The following BRWD3 variants were observed in gnomAD, a reference collection of about 807,000 sequenced individuals.
BRWD3 encodes bromodomain and WD repeat-containing protein 3.
In BRWD3, 10 loss-of-function variants were observed where a neutral mutation model predicts 149.7. The observed-to-expected ratio is 0.07, with a 90% CI of 0.04 to 0.11. The LOEUF (loss-of-function observed/expected upper bound fraction) is 0.11, where lower values mean the gene tolerates loss of function less well. Ranked by LOEUF, BRWD3 falls within the 10% of genes least tolerant of loss-of-function variation. BRWD3 has a pLI of 1.00. For missense variants in BRWD3, 940 were observed against 1,373.2 expected, an observed-to-expected ratio of 0.68 and a Z score of 4.99; for synonymous variants, 504 against 456.7, an observed-to-expected ratio of 1.10 and a Z score of -1.32.
intron 6 of BRWD3, among the ~76,000 whole-genome samples, chrX:80,780,607 T>C (rs908552734): frequency 9.0e-6 from 1 of 110,970 alleles, no homozygotes; most frequent in South Asian, 3.8e-4. Context: ...AAAGATGGAG[T>C]TTATATTCCA....
chrX:80,759,095 C>T (rs2073775929), intron 6 of BRWD3, among the ~76,000 whole-genome samples: 1 of 111,733 alleles, frequency 8.9e-6, no homozygotes, highest in East Asian at 2.8e-4. Context: ...GTATTATTTT[C>T]CTTCATCAGG....
At chrX:80,792,137 A>T (rs1004201424) in intron 5 of BRWD3, among the ~76,000 whole-genome samples, 185 bp from the exon 6 acceptor site, 1 of 112,573 alleles carries the variant, frequency 8.9e-6, no homozygotes, top group African/African-American at 3.2e-5. Flanking sequence ...TAACCACCCA[A>T]CACCTTAACA....
intron 24 of BRWD3, among the ~76,000 whole-genome samples, chrX:80,701,317 A>T (rs769128712): frequency 9.1e-6 from 1 of 109,507 alleles, no homozygotes; most frequent in East Asian, 2.9e-4. Flanking sequence ...GGAGGCCGAG[A>T]TTGGTGGATC....
At chrX:80,791,727 C>T (rs2074184224) in intron 6 of BRWD3, 127 bp downstream of exon 6, 1 of 479,051 alleles carries the variant, frequency 2.1e-6, no homozygotes, top group Non-Finnish European at 3.7e-6. Context: ...AGCCATGAAA[C>T]TCCTCAGGAA....
At chrX:80,691,573 T>C (rs2072611392) in intron 30 of BRWD3, among the ~76,000 whole-genome samples, 1 of 111,729 alleles carries the variant, frequency 9.0e-6, no homozygotes, top group African/African-American at 3.3e-5. Flanking sequence ...TCAAAGTGAT[T>C]CAAAAAGGAA....
intron 14 of BRWD3, among the ~76,000 whole-genome samples, chrX:80,728,062 T>C (rs760098886): frequency 2.7e-5 from 3 of 111,936 alleles, no homozygotes; most frequent in Non-Finnish European, 5.7e-5. Flanking sequence ...GACAACTGAG[T>C]TGAGTCAGAA....
rs879010568 is a variant in BRWD3, at chrX:80,809,001, G to A, written c.120+12C>T. 1 of 1,197,546 alleles carries A rather than the reference G, an allele frequency of 8.4e-7. No homozygotes were observed. Among genetic ancestry groups the A allele is most frequent in the Non-Finnish European group, 1.1e-6 (1 of 888,242 alleles). ...CTCAACCCTCCCCACCCTTCCCGAA[G>A]GGGCTCCGTACCTGATGCTCCTCGA... On this transcript the variant is annotated intron_variant, in intron 3 of 40. Coordinates refer to ENST00000373275, the MANE Select transcript of BRWD3 (RefSeq NM_153252.5).
At chrX:80,745,305 C>A (rs2073576660) in intron 7 of BRWD3, among the ~76,000 whole-genome samples, 1 of 111,433 alleles carries the variant, frequency 9.0e-6, no homozygotes. Flanking sequence ...ACACTTGTTT[C>A]ACATAAATTA....
At chrX:80,737,313 C>A (rs987493506) in intron 8 of BRWD3, among the ~76,000 whole-genome samples, 2 of 111,358 alleles carry the variant, frequency 1.8e-5, no homozygotes, top group African/African-American at 6.5e-5. Context: ...TAAATCATCT[C>A]TAGATTACTG....
chrX:80,705,911 A>G (rs1378907515), intron 22 of BRWD3, among the ~76,000 whole-genome samples: 1 of 112,129 alleles, frequency 8.9e-6, no homozygotes, highest in Non-Finnish European at 1.9e-5. Context: ...AAGACCTAGA[A>G]CATTACCGTA....
chrX:80,747,824 T>TTC (rs1353796968), intron 6 of BRWD3, among the ~76,000 whole-genome samples: 1 of 111,855 alleles, frequency 8.9e-6, no homozygotes, highest in South Asian at 3.7e-4. Context: ...TATAAGAGGG[T>TTC]TCTTTTGGTG....
At chrX:80,718,678 A>C (rs952850488) in intron 18 of BRWD3, among the ~76,000 whole-genome samples, 1 of 111,792 alleles carries the variant, frequency 8.9e-6, no homozygotes, top group African/African-American at 3.2e-5. Flanking sequence ...GAAATGAGTA[A>C]AATACCCTGT....
At chrX:80,700,162 G>A in intron 24 of BRWD3, 98 bp from the exon 25 acceptor site, 2 of 621,974 alleles carry the variant, frequency 3.2e-6, no homozygotes, top group Non-Finnish European at 5.0e-6. Context: ...TTTGCAGAAA[G>A]AAATAATTAT....
chrX:80,709,688 T>A, intron 20 of BRWD3, 111 bp from the exon 21 acceptor site: 1 of 630,753 alleles, frequency 1.6e-6, no homozygotes. Context: ...GAGATGAGAA[T>A]AAATTCCCCA....
At chrX:80,753,595 T>G (rs903383158) in intron 6 of BRWD3, among the ~76,000 whole-genome samples, 20 of 111,726 alleles carry the variant, frequency 1.8e-4, no homozygotes, top group Admixed American at 4.8e-4. Context: ...ATAAATTTTT[T>G]GCCTAGACCA....
At position 80,745,669 on chromosome X, in the gene BRWD3, G is replaced by A. The variant is rs1165613538; in HGVS notation, c.491C>T (p.Ser164Leu). The A allele has an allele frequency of 8.3e-7, 1 of 1,208,683 alleles. No individual in the cohort carries two copies. The highest frequency in any genetic ancestry group is 1.1e-6 in the Non-Finnish European group (1 of 893,366). ...GCSRFGHIFP[S>L]SAYQHIKMHK... is the part of the protein sequence containing the mutation. The stretch of plus-strand genomic sequence containing the variant: ...CATCTTAATGTGCTGGTAAGCAGAT[G>A]AAGGGAAAATATGACCAAAGCGACT... The change falls in exon 7 of 41, where the codon TCA (serine) becomes TTA (leucine). Residue 164 changes from serine to leucine, a missense_variant. Ser to Leu is a moderately radical substitution (Grantham distance 145). Transcript: ENST00000373275.
At position 80,693,006 on chromosome X, in the gene BRWD3, G is replaced by A. The variant is rs751546213; in HGVS notation, c.3197C>T (p.Thr1066Ile). The A allele has an allele frequency of 5.0e-6, 6 of 1,210,952 alleles. No individual in the cohort carries two copies. Among genetic ancestry groups the A allele is most frequent in the Non-Finnish European group, 6.7e-6 (6 of 894,707 alleles). Residue 1066 changes from threonine to isoleucine, a missense_variant, in exon 28 of 41, where the codon ACT becomes ATT. Physicochemically the swap from Thr to Ile is moderately conservative, Grantham distance 89 (BLOSUM62 -1). Transcript: ENST00000373275. ...SIIDDAWWFG[T>I]VESQQPFQPE... ...TTGAAAAGGCTGCTGACTCTCCACA[G>A]TCCCAAACCACCAGGCGTCATCTAT...
At chrX:80,771,734 TATC>T (rs774987058) in intron 6 of BRWD3, among the ~76,000 whole-genome samples, 1 of 111,802 alleles carries the variant, frequency 8.9e-6, no homozygotes, top group Non-Finnish European at 1.9e-5. Flanking sequence ...AAAGGGCTAA[TATC>T]CAGAATCAAC....
rs1002832373 is a variant in BRWD3, at chrX:80,670,670, A to G, written c.*5939T>C. Among the ~76,000 whole-genome samples the G allele has an allele frequency of 9.9e-5, 11 of 110,982 alleles. No individual in the cohort carries two copies. The highest frequency in any genetic ancestry group is 2.9e-4 in the African/African-American group (9 of 30,510). Reference sequence around the variant, plus strand: ...CCTGGGCTCAAATAATCCTCCCACCATGGCTTCCCAAAATGCTGAGATTAT... The same window carrying G: ...CCTGGGCTCAAATAATCCTCCCACCGTGGCTTCCCAAAATGCTGAGATTAT... On this transcript the variant is annotated 3_prime_UTR_variant, in exon 41 of 41. Transcript: ENST00000373275.
Sources: gnomAD v4.1 joint callset for allele counts (sites outside exome capture counted in the v4.1 genomes callset) on GRCh38, gnomAD v4.1.1 for gene constraint, MANE v1.5 for transcripts, NCBI Gene and HGNC (gene_info 2026-07-23, HGNC 2026-07-21) for gene names.